ARHGAP6: variants seen among roughly 807,000 people sequenced by gnomAD.
ARHGAP6 encodes the protein rho GTPase-activating protein 6.
A neutral mutation model predicts 55.7 loss-of-function variants in ARHGAP6; 16 were observed. That is an observed-to-expected ratio of 0.29 (90% confidence interval 0.19 to 0.44). ARHGAP6 has a LOEUF of 0.44. Among genes scored for constraint, ARHGAP6 ranks in the 20% least tolerant of loss-of-function variants. The probability of loss-of-function intolerance (pLI) is 1.00; values close to 1 mark genes in which losing one functional copy is unlikely to be tolerated. For synonymous variants in ARHGAP6, 382 were observed against 360.9 expected (o/e 1.06, Z -0.66); for missense variants, 698 against 808.9 (o/e 0.86, Z 1.66).
intron 1 of ARHGAP6, among the ~76,000 whole-genome samples, chrX:11,518,627 G>C (rs1226401860): frequency 1.9e-5 from 2 of 104,112 alleles, no homozygotes; most frequent in African/African-American, 7.1e-5. Flanking sequence ...TTGCAACAGT[G>C]CACTTTTTTT....
At position 11,300,790 on chromosome X, in the gene ARHGAP6, A is replaced by C. The variant is rs1225681352; in HGVS notation, c.589-46083T>G. 8.7e-6 allele frequency: 4 copies of C among 460,986 alleles called. No individual in the cohort carries two copies. In the South Asian group the frequency reaches 1.3e-4, roughly 15 times the overall value. The allele number at this position is 460,986 out of a possible 1,213,427, so 38.0% of individuals were successfully genotyped here. ...ATGTCTTTGTGTTGAATGAAACTTAAATTTTCCTATCATTTGAGATGATAT... is the reference window on the plus strand; with the variant it reads ...ATGTCTTTGTGTTGAATGAAACTTACATTTTCCTATCATTTGAGATGATAT... On this transcript the variant is annotated intron_variant, in intron 1 of 12. Coordinates refer to ENST00000337414, the MANE Select transcript of ARHGAP6 (RefSeq NM_013427.3).
intron 1 of ARHGAP6, among the ~76,000 whole-genome samples, chrX:11,450,203 AGTGT>A (rs34050296): frequency 0.024 from 2,121 of 90,109 alleles, 34 homozygotes; most frequent in African/African-American, 0.051. Context: ...ACAAATAATA[AGTGT>A]GTGTGTGTGT....
intron 2 of ARHGAP6, among the ~76,000 whole-genome samples, chrX:11,243,386 A>G (rs1367258320): frequency 8.9e-6 from 1 of 111,786 alleles, no homozygotes; most frequent in African/African-American, 3.3e-5. Flanking sequence ...CCCAGTATTG[A>G]TTTGGGCACT....
chrX:11,247,022 A>G (rs1462942539), intron 2 of ARHGAP6, among the ~76,000 whole-genome samples: 1 of 111,986 alleles, frequency 8.9e-6, no homozygotes, highest in Non-Finnish European at 1.9e-5. Flanking sequence ...TTAAATCACA[A>G]ACTGAAGACA....
chrX:11,389,321 C>T (rs1156644852), intron 1 of ARHGAP6, among the ~76,000 whole-genome samples: 2 of 111,762 alleles, frequency 1.8e-5, no homozygotes, highest in Non-Finnish European at 3.8e-5. Context: ...GCCTTTCAAC[C>T]GAAACACAAA....
intron 1 of ARHGAP6, among the ~76,000 whole-genome samples, chrX:11,276,482 A>G (rs2047767884): frequency 8.9e-6 from 1 of 112,290 alleles, no homozygotes; most frequent in Non-Finnish European, 1.9e-5. Context: ...TAGGACATTT[A>G]TTTTAAAGTA....
intron 1 of ARHGAP6, among the ~76,000 whole-genome samples, chrX:11,420,587 G>A (rs1416620638): frequency 2.7e-5 from 3 of 111,405 alleles, no homozygotes; most frequent in Non-Finnish European, 5.7e-5. Context: ...TGCCACCCTG[G>A]GCTGCTCAGG....
intron 1 of ARHGAP6, among the ~76,000 whole-genome samples, chrX:11,604,822 T>G (rs2052015123): frequency 8.9e-6 from 1 of 112,261 alleles, no homozygotes; most frequent in South Asian, 3.7e-4. Flanking sequence ...TCTGGAGCTG[T>G]GGTGGCCCTT....
chrX:11,417,952 C>T (rs1169775500), intron 1 of ARHGAP6, among the ~76,000 whole-genome samples: 1 of 111,994 alleles, frequency 8.9e-6, no homozygotes. Context: ...AAGCAGGACT[C>T]ATAGAGAGCA....
chrX:11,239,567 A>G (rs1037700492), intron 2 of ARHGAP6, among the ~76,000 whole-genome samples: 2 of 111,621 alleles, frequency 1.8e-5, no homozygotes, highest in Non-Finnish European at 3.8e-5. Context: ...AACAAGATGG[A>G]CCAGATTTGT....
chrX:11,324,928 G>T (rs111671202), intron 1 of ARHGAP6, among the ~76,000 whole-genome samples: 1 of 112,139 alleles, frequency 8.9e-6, no homozygotes, highest in Non-Finnish European at 1.9e-5. Flanking sequence ...GCGCAATCTC[G>T]ACTCACTGCA....
intron 1 of ARHGAP6, among the ~76,000 whole-genome samples, chrX:11,350,911 C>CA (rs962920635): frequency 1.8e-5 from 2 of 111,093 alleles, no homozygotes; most frequent in African/African-American, 6.6e-5. Context: ...TTCTGACCAA[C>CA]AAAAAAACCT....
At chrX:11,585,301 C>G (rs1471589473) in intron 1 of ARHGAP6, among the ~76,000 whole-genome samples, 1 of 112,064 alleles carries the variant, frequency 8.9e-6, no homozygotes, top group Non-Finnish European at 1.9e-5. Context: ...ATAGCCAGTA[C>G]TGGGATTGCT....
intron 2 of ARHGAP6, among the ~76,000 whole-genome samples, chrX:11,198,543 A>C (rs1218743685): frequency 8.9e-6 from 1 of 112,110 alleles, no homozygotes; most frequent in African/African-American, 3.2e-5. Flanking sequence ...TCTCAAATGT[A>C]TTTGGCAGTA....
chrX:11,651,246 C>G (rs1213023159), intron 1 of ARHGAP6, among the ~76,000 whole-genome samples: 1 of 111,430 alleles, frequency 9.0e-6, no homozygotes, highest in Non-Finnish European at 1.9e-5. Flanking sequence ...AGGTATTAAG[C>G]CTAGTACTCA....
At chrX:11,645,701 G>T (rs1444065141) in intron 1 of ARHGAP6, among the ~76,000 whole-genome samples, 1 of 106,961 alleles carries the variant, frequency 9.3e-6, no homozygotes, top group Non-Finnish European at 1.9e-5. Flanking sequence ...GAATAAGGTT[G>T]TTGAAGACTG....
intron 1 of ARHGAP6, among the ~76,000 whole-genome samples, chrX:11,269,181 A>G (rs975654000): frequency 9.0e-6 from 1 of 111,337 alleles, no homozygotes; most frequent in African/African-American, 3.3e-5. Flanking sequence ...TGAACTTCCC[A>G]TATGAACACA....
In ARHGAP6 at chrX:11,573,826, T is replaced by C. The variant is rs182161574; in HGVS notation, c.588+90415A>G. Among the ~76,000 whole-genome samples the C allele has an allele frequency of 3.5e-3, 386 of 111,609 alleles. 6 individuals are homozygous for C. In the East Asian group the frequency reaches 0.06, roughly 17 times the overall value. On this transcript the variant is annotated intron_variant, in intron 1 of 12. Coordinates refer to ENST00000337414, the MANE Select transcript of ARHGAP6 (RefSeq NM_013427.3). ...ATTCTTCCTACCCATGAGCATGGAATGTTCTTCCATTTCTTCGTATCCTCT... is the reference window on the plus strand; with the variant it reads ...ATTCTTCCTACCCATGAGCATGGAACGTTCTTCCATTTCTTCGTATCCTCT...
intron 1 of ARHGAP6, among the ~76,000 whole-genome samples, chrX:11,312,749 C>T (rs73184341): frequency 9.0e-6 from 1 of 111,330 alleles, no homozygotes; most frequent in Non-Finnish European, 1.9e-5. Context: ...TTAGTTGAGC[C>T]AGGAACTAAG....
Sources: allele counts gnomAD v4.1 joint callset (sites outside exome capture counted in the v4.1 genomes callset), GRCh38; gene constraint gnomAD v4.1.1; transcripts MANE v1.5; gene names NCBI Gene and HGNC (gene_info 2026-07-23, HGNC 2026-07-21).